The following TRDN variants were observed in gnomAD, a reference collection of about 807,000 sequenced individuals.
The protein encoded by TRDN is triadin in skeletal muscle.
TRDN carries 161 observed loss-of-function variants against 149.7 expected under a neutral mutation model. The observed-to-expected ratio is 1.08, with a 90% confidence interval of 0.95 to 1.23. The LOEUF (loss-of-function observed/expected upper bound fraction) is 1.23, where lower values mean the gene tolerates loss of function less well. Among genes scored for constraint, TRDN ranks in the 50% most tolerant of loss-of-function variants. The pLI is 0.00. For missense variants in TRDN, 896 were observed against 823.5 expected, an observed-to-expected ratio of 1.09 and a Z score of -1.08; for synonymous variants, 294 against 250.5, an observed-to-expected ratio of 1.17 and a Z score of -1.64.
At chr6:123,455,637 T>C (rs924724196) in intron 10 of TRDN, among the ~76,000 whole-genome samples, 3 of 152,134 alleles carry the variant, frequency 2.0e-5, no homozygotes, top group Non-Finnish European at 4.4e-5. Context: ...AAATTACAAA[T>C]GCTTTTGTTT....
chr6:123,349,583 A>T, intron 21 of TRDN: 1 of 887,408 alleles, frequency 1.1e-6, no homozygotes, highest in Non-Finnish European at 1.3e-6. Flanking sequence ...ATTAAATACA[A>T]TTGTGTTAAC....
rs568121486 is a variant in TRDN at position 123,592,924 on chromosome 6, T to G, written c.23-21792A>C. ...GAATCATTTTTTTCTTGCATAAAAA[T>G]CACTTTCTTTTTTAATCTGATAACA... On this transcript the variant is annotated intron_variant, in intron 1 of 40. Transcript: ENST00000334268. Among the ~76,000 whole-genome samples, 7 of 152,182 alleles carry G rather than the reference T, an allele frequency of 4.6e-5. No individual in the cohort carries two copies. The East Asian group carries it at 1.4e-3, about 29-fold the overall frequency.
At chr6:123,293,063 A>G (rs1252724281) in intron 24 of TRDN, among the ~76,000 whole-genome samples, 1 of 152,134 alleles carries the variant, frequency 6.6e-6, no homozygotes, top group African/African-American at 2.4e-5. Flanking sequence ...TATAGTAAAT[A>G]TTTCAACAAT....
intron 22 of TRDN, among the ~76,000 whole-genome samples, chr6:123,336,450 C>T (rs371893267): frequency 1.3e-5 from 2 of 151,978 alleles, no homozygotes; most frequent in African/African-American, 2.4e-5. Flanking sequence ...AATTACCACA[C>T]CTTTAAAGGC....
chr6:123,418,213 C>T (rs867718767), intron 12 of TRDN, among the ~76,000 whole-genome samples: 2 of 152,070 alleles, frequency 1.3e-5, no homozygotes, highest in Non-Finnish European at 2.9e-5. Context: ...GGTGGATGTT[C>T]GCACTGTTGC....
At chr6:123,387,187 T>A (rs1470921196) in intron 14 of TRDN, among the ~76,000 whole-genome samples, 1 of 152,148 alleles carries the variant, frequency 6.6e-6, no homozygotes, top group Non-Finnish European at 1.5e-5. Flanking sequence ...AAGTTTTTCA[T>A]TTTCACCTCA....
chr6:123,218,516 CAT>C lies in TRDN; in HGVS notation c.*83_*84del. 1 of 1,462,404 alleles carries C rather than the reference CAT, an allele frequency of 6.8e-7. No individual in the cohort carries two copies. Among genetic ancestry groups the C allele is most frequent in the South Asian group, 1.4e-5 (1 of 72,754 alleles). The allele number at this position is 1,462,404 out of a possible 1,614,324, so 90.6% of individuals were successfully genotyped here. On this transcript the variant is annotated 3_prime_UTR_variant, in exon 41 of 41. Transcript: ENST00000334268. Reference sequence around the variant, plus strand: ...GTTTTCACAGAAATTCTCTGGGTTGCATATTCTTAATTGCCTGAACTACTGTG... The same window carrying C: ...GTTTTCACAGAAATTCTCTGGGTTGCATTCTTAATTGCCTGAACTACTGTG...
chr6:123,429,317 G>T (rs1774243051), intron 12 of TRDN: 2 of 152,184 alleles, frequency 1.3e-5, no homozygotes, highest in Admixed American at 1.3e-4. Context: ...GATTAAATGA[G>T]AAAACAGATT....
At chr6:123,434,727 A>G (rs9490749) in intron 12 of TRDN, among the ~76,000 whole-genome samples, 22,098 of 152,068 alleles carry the variant, frequency 0.15, 2,216 homozygotes, top group African/African-American at 0.29. Flanking sequence ...TTCTTCAAGT[A>G]AAAATGTACC....
At chr6:123,433,359 T>C (rs1029828949) in intron 12 of TRDN, among the ~76,000 whole-genome samples, 1 of 151,868 alleles carries the variant, frequency 6.6e-6, no homozygotes, top group Non-Finnish European at 1.5e-5. Flanking sequence ...CTGCCCTTAC[T>C]CAGAGTTGAA....
intron 38 of TRDN, among the ~76,000 whole-genome samples, chr6:123,250,442 G>A (rs530243472): frequency 7.9e-5 from 12 of 151,932 alleles, no homozygotes; most frequent in East Asian, 5.8e-4. Flanking sequence ...AAAAGGATTC[G>A]GAAAAAGAAT....
In TRDN at chr6:123,267,687, A is replaced by G; in HGVS notation, c.1783+20T>C. The G allele has an allele frequency of 6.5e-7, 1 of 1,536,968 alleles. No individual in the cohort carries two copies. The highest frequency in any genetic ancestry group is 8.8e-7 in the Non-Finnish European group (1 of 1,133,974). On this transcript the variant is annotated intron_variant, in intron 32 of 40. Transcript: ENST00000334268. ...AATAGTGAACATAAGACAGAATATA[A>G]ACCAAAAATGGTAAAATACCTGTTT...
chr6:123,468,449 T>C (rs1008680458), intron 9 of TRDN, among the ~76,000 whole-genome samples: 4 of 152,318 alleles, frequency 2.6e-5, no homozygotes, highest in Non-Finnish European at 5.9e-5. Context: ...TAATACTTTA[T>C]TGTTCTGAGT....
At chr6:123,230,295 C>T (rs1450410880) in intron 38 of TRDN, among the ~76,000 whole-genome samples, 1 of 151,844 alleles carries the variant, frequency 6.6e-6, no homozygotes, top group African/African-American at 2.4e-5. Context: ...GGACAAAAAA[C>T]CAAACACCAC....
rs9375265 is a variant in TRDN, at chr6:123,559,902, G to A, written c.232+11021C>T. 2.6e-5 allele frequency among the ~76,000 whole-genome samples: 4 copies of A among 151,740 alleles called. No homozygotes were observed. The South Asian group carries it at 6.2e-4, about 24-fold the overall frequency. ...AACATGCTTTCTTTACTATTCCTTT[G>A]CACCCTTCATCCCAGCCTCTCTGCT... On this transcript the variant is annotated intron_variant, in intron 2 of 40. Transcript: ENST00000334268.
At chr6:123,482,787 A>T (rs1777802543) in intron 9 of TRDN, among the ~76,000 whole-genome samples, 1 of 152,130 alleles carries the variant, frequency 6.6e-6, no homozygotes, top group Admixed American at 6.5e-5. Flanking sequence ...TTTCTACTAA[A>T]CAAGAGCTCA....
chr6:123,518,893 A>G (rs1196155294), intron 5 of TRDN, among the ~76,000 whole-genome samples: 1 of 152,150 alleles, frequency 6.6e-6, no homozygotes, highest in Non-Finnish European at 1.5e-5. Flanking sequence ...TCAAATACCA[A>G]GTTTTGAAAT....
intron 9 of TRDN, among the ~76,000 whole-genome samples, chr6:123,496,668 C>T (rs1342799150): frequency 6.6e-6 from 1 of 151,980 alleles, no homozygotes; most frequent in Non-Finnish European, 1.5e-5. Flanking sequence ...AAAATCCTTC[C>T]CCATTGTTTT....
chr6:123,636,604 TA>T, intron 1 of TRDN, 149 bp downstream of exon 1: 1 of 886,584 alleles, frequency 1.1e-6, no homozygotes, highest in Non-Finnish European at 1.7e-6. Context: ...TCTCAGCTCC[TA>T]AATCCACTTC....
Sources: gnomAD v4.1 joint callset for allele counts (sites outside exome capture counted in the v4.1 genomes callset) on GRCh38, gnomAD v4.1.1 for gene constraint, MANE v1.5 for transcripts, NCBI Gene and HGNC (gene_info 2026-07-23, HGNC 2026-07-21) for gene names.